The following POLI variants were observed in gnomAD, a reference collection of about 807,000 sequenced individuals.
POLI encodes the protein DNA polymerase iota, also known as RAD30 homolog B.
In POLI, 58 loss-of-function variants were observed where a neutral mutation model predicts 51.6. The ratio of observed to expected loss-of-function variants is 1.12; its 90% CI spans 0.91 to 1.40. The LOEUF is 1.40. POLI is among the 40% of genes most tolerant of loss of function. The pLI is 0.00. For synonymous variants in POLI, 322 were observed against 299.7 expected (o/e 1.07, Z -0.77); for missense variants, 921 against 871.3 (o/e 1.06, Z -0.72).
intron 9 of POLI, among the ~76,000 whole-genome samples, chr18:54,293,162 A>T (rs1247387750): frequency 6.6e-6 from 1 of 151,932 alleles, no homozygotes; most frequent in African/African-American, 2.4e-5. Context: ...TATTTTATAT[A>T]AATATAAACT....
At chr18:54,286,123 C>G (rs1258271640) in intron 7 of POLI, among the ~76,000 whole-genome samples, 4 of 152,150 alleles carry the variant, frequency 2.6e-5, no homozygotes, top group African/African-American at 7.2e-5. Context: ...CTCAACTTCC[C>G]AAAGTGTTGG....
chr18:54,307,027 T>C (rs1239831978), intron 3 of POLI, among the ~76,000 whole-genome samples: 1 of 152,222 alleles, frequency 6.6e-6, no homozygotes, highest in Non-Finnish European at 1.5e-5. Flanking sequence ...AAATTGATCT[T>C]CTCAAAAAAC....
Position 54,296,925 on chromosome 18 carries a change from A to G in POLI, c.*2458A>G. On this transcript the variant is annotated 3_prime_UTR_variant, in exon 10 of 10. Coordinates refer to ENST00000579534, the MANE Select transcript of POLI (RefSeq NM_007195.3). ...TCTTTATAAGTCTACATTTAAGGTTATTATTGCATATCATTGTGACTTATT... is the reference window on the plus strand; with the variant it reads ...TCTTTATAAGTCTACATTTAAGGTTGTTATTGCATATCATTGTGACTTATT... 1.0e-6 allele frequency: 1 copy of G among 969,370 alleles called. No homozygotes were observed. Among genetic ancestry groups the G allele is most frequent in the Non-Finnish European group, 1.2e-6 (1 of 815,362 alleles). 60.0% of individuals were successfully genotyped at this position (969,370 alleles called of 1,614,324 possible).
In POLI at chr18:54,295,441, G is replaced by A. The variant is rs181989262; in HGVS notation, c.*974G>A. On this transcript the variant is annotated 3_prime_UTR_variant, in exon 10 of 10. Coordinates refer to ENST00000579534, the MANE Select transcript of POLI (RefSeq NM_007195.3). ...AGATTGAGAATGTATTATATAATTT[G>A]CAAGACATAGAGGATGTTTATAGAA... is the stretch of plus-strand genomic sequence containing the variant. 4.9e-5 allele frequency: 48 copies of A among 972,556 alleles called. No homozygotes were observed. In the African/African-American group the frequency reaches 8.2e-4, roughly 17 times the overall value. The allele number at this position is 972,556 out of a possible 1,614,324, so 60.2% of individuals were successfully genotyped here. A position where few individuals can be genotyped will look rare whatever the true frequency, so the allele number is the denominator to read the frequency against.
At chr18:54,288,742 G>A (rs908719126) in intron 8 of POLI, among the ~76,000 whole-genome samples, 2 of 151,752 alleles carry the variant, frequency 1.3e-5, no homozygotes, top group Non-Finnish European at 2.9e-5. Context: ...CCCCTGTAGT[G>A]ATTTGTTGGT....
chr18:54,272,545 T>C (rs486452), intron 2 of POLI, among the ~76,000 whole-genome samples: 116,961 of 151,908 alleles, frequency 0.77, 45,848 homozygotes, highest in African/African-American at 0.93. Flanking sequence ...GATCTTGGCT[T>C]ACTGCAAGCT....
downstream of POLI, among the ~76,000 whole-genome samples, chr18:54,298,615 G>A (rs1324295432): frequency 7.8e-6 from 1 of 128,922 alleles, no homozygotes; most frequent in Non-Finnish European, 1.7e-5. Context: ...TTTTGAGATG[G>A]GGTCTCGCTC....
chr18:54,284,727 G>A (rs992044624), intron 7 of POLI: 1 of 152,382 alleles, frequency 6.6e-6, no homozygotes, highest in African/African-American at 2.4e-5. Flanking sequence ...AGTAGGGTGA[G>A]TGACTGCAGG....
intron 3 of POLI, among the ~76,000 whole-genome samples, chr18:54,315,801 A>T (rs573103615): frequency 6.6e-6 from 1 of 151,974 alleles, no homozygotes; most frequent in African/African-American, 2.4e-5. Context: ...TTCCATTTGC[A>T]TGATGGATCT....
chr18:54,294,033 G>A lies in POLI; in HGVS notation c.1789G>A (p.Val597Ile). The change falls in exon 10 of 10, where the codon GTA (valine) becomes ATA (isoleucine). Residue 597 changes from valine to isoleucine, a missense_variant. Physicochemically the swap from Val to Ile is conservative, Grantham distance 29 (BLOSUM62 3). Coordinates refer to ENST00000579534, the MANE Select transcript of POLI (RefSeq NM_007195.3). Reference sequence around the variant, plus strand: ...ATCCAGTAGCAAACAGGTATCCTCTGTATCTCCTTGTGAACCGGGAACATC... The same window carrying A: ...ATCCAGTAGCAAACAGGTATCCTCTATATCTCCTTGTGAACCGGGAACATC... Reference protein sequence around the residue: ...HLSSSKQVSSVSPCEPGTSGF... With the variant: ...HLSSSKQVSSISPCEPGTSGF... 3 of 1,613,486 alleles carry A rather than the reference G, an allele frequency of 1.9e-6. No individual in the cohort carries two copies. The South Asian group carries it at 3.3e-5, about 18-fold the overall frequency.
Position 54,298,200 on chromosome 18 carries a change from A to G in POLI, c.*3733A>G, listed in dbSNP as rs1044471654. 1.1e-4 allele frequency: 32 copies of G among 289,202 alleles called. No homozygotes were observed. Among genetic ancestry groups the G allele is most frequent in the African/African-American group, 6.6e-4 (29 of 43,960 alleles). 17.9% of individuals were successfully genotyped at this position (289,202 alleles called of 1,614,324 possible). A position where few individuals can be genotyped will look rare whatever the true frequency, so the allele number is the denominator to read the frequency against. On this transcript the variant is annotated 3_prime_UTR_variant, in exon 10 of 10. Coordinates refer to ENST00000579534, the MANE Select transcript of POLI (RefSeq NM_007195.3). ...AATGAGTAATTGTAACAACTATGTA[A>G]CTGTCCAAGTCAAGAAATAAAACAT...
downstream of POLI, among the ~76,000 whole-genome samples, chr18:54,300,458 A>G (rs1322181135): frequency 6.6e-6 from 1 of 152,130 alleles, no homozygotes; most frequent in Non-Finnish European, 1.5e-5. Flanking sequence ...AAATAGCAAA[A>G]TAAGTTTTAA....
At chr18:54,318,005 AT>A (rs2037820422) in intron 3 of POLI, among the ~76,000 whole-genome samples, 1 of 152,204 alleles carries the variant, frequency 6.6e-6, no homozygotes, top group Non-Finnish European at 1.5e-5. Flanking sequence ...GTCCAAAAAA[AT>A]TAGTAATATA....
downstream of POLI, among the ~76,000 whole-genome samples, chr18:54,299,217 C>G (rs376808189): frequency 3.4e-4 from 51 of 152,178 alleles, 1 homozygote; most frequent in South Asian, 0.011. Context: ...GGTGGATTGC[C>G]TAAGCTCAGG....
At chr18:54,307,523 A>G (rs557390206) in intron 3 of POLI, among the ~76,000 whole-genome samples, 8 of 152,294 alleles carry the variant, frequency 5.3e-5, no homozygotes, top group African/African-American at 1.2e-4. Context: ...CAGTTTTGGA[A>G]TAAGTGCGAT....
At chr18:54,269,799 C>T in intron 1 of POLI, 138 bp downstream of exon 1, 10 of 1,374,616 alleles carry the variant, frequency 7.3e-6, no homozygotes, top group African/African-American at 1.5e-5. Flanking sequence ...GGCTGCCTCC[C>T]TCTGCCTTGT....
chr18:54,288,637 CTT>C (rs562350684), intron 8 of POLI, among the ~76,000 whole-genome samples: 1 of 145,652 alleles, frequency 6.9e-6, no homozygotes. Context: ...TTTCTGTAGT[CTT>C]TTTTTTTTTC....
intron 3 of POLI, among the ~76,000 whole-genome samples, chr18:54,277,068 C>T (rs903275561): frequency 4.6e-5 from 7 of 152,084 alleles, no homozygotes; most frequent in Non-Finnish European, 8.8e-5. Flanking sequence ...TCAGCTTAAT[C>T]TAGTAAACAT....
In POLI at chr18:54,270,997, TGTGTGAAAATCAAC is replaced by T. The variant is rs1357982202; in HGVS notation, c.116-360_116-347del. The T allele has an allele frequency of 4.4e-5, 7 of 159,276 alleles. No individual in the cohort carries two copies. In the Admixed American group the frequency reaches 4.5e-4, roughly 10 times the overall value. 9.9% of individuals were successfully genotyped at this position (159,276 alleles called of 1,614,324 possible). A position where few individuals can be genotyped will look rare whatever the true frequency, so the allele number is the denominator to read the frequency against. ...ATGCTGCTTAGAATAATTTTCAAGC[TGTGTGAAAATCAAC>T]GTCATTTCAACTTTTCTGCCCCTTC... On this transcript the variant is annotated intron_variant, in intron 1 of 9. Coordinates refer to ENST00000579534, the MANE Select transcript of POLI (RefSeq NM_007195.3).
Sources: allele counts gnomAD v4.1 joint callset (sites outside exome capture counted in the v4.1 genomes callset), GRCh38; gene constraint gnomAD v4.1.1; transcripts MANE v1.5; gene names NCBI Gene and HGNC (gene_info 2026-07-23, HGNC 2026-07-21).